Variants in SH3D19 observed in about 807,000 individuals in gnomAD.
SH3D19 encodes the protein SH3 domain containing 19, also known as SH3 domain-containing protein 19.
In SH3D19, 58 loss-of-function variants were observed where a neutral mutation model predicts 112.1. That is an observed-to-expected ratio of 0.52 (90% CI 0.42 to 0.64). The LOEUF (loss-of-function observed/expected upper bound fraction) is 0.64. Ranked by LOEUF, SH3D19 falls within the 30% of genes least tolerant of loss-of-function variation. SH3D19 has a pLI of 0.00. For missense variants in SH3D19, 1,090 were observed against 1,263.4 expected, an observed-to-expected ratio of 0.86 and a Z score of 2.08; for synonymous variants, 391 against 448.5, an observed-to-expected ratio of 0.87 and a Z score of 1.62.
chr4:151,285,258 A>G (rs904968631), intron 1 of SH3D19, among the ~76,000 whole-genome samples: 2 of 152,186 alleles, frequency 1.3e-5, no homozygotes, highest in African/African-American at 4.8e-5. Flanking sequence ...TCACTCCCAT[A>G]AGAAATTTTA....
intron 2 of SH3D19, among the ~76,000 whole-genome samples, chr4:151,205,633 A>G (rs1028469485): frequency 2.0e-5 from 3 of 152,234 alleles, no homozygotes; most frequent in African/African-American, 7.2e-5. Context: ...AAAACACTCC[A>G]AGATTCCAAT....
rs1730958100 is a variant in SH3D19, at chr4:151,325,477, A to C, written c.-125T>G. The C allele has an allele frequency of 2.6e-6, 1 of 377,408 alleles. No individual in the cohort carries two copies. Among genetic ancestry groups the C allele is most frequent in the Non-Finnish European group, 4.4e-6 (1 of 229,466 alleles). The allele number at this position is 377,408 out of a possible 1,614,324, so 23.4% of individuals were successfully genotyped here. Reference sequence around the variant, plus strand: ...GGGGGGAAGGCGGCTCCCGGAGAGGAGGCGTCGGCGGCGGCTGTGGAAATG... The same window carrying C: ...GGGGGGAAGGCGGCTCCCGGAGAGGCGGCGTCGGCGGCGGCTGTGGAAATG... On this transcript the variant is annotated 5_prime_UTR_variant, in exon 1 of 20. Transcript: ENST00000604030.
At chr4:151,303,696 A>G (rs545074751) in intron 1 of SH3D19, among the ~76,000 whole-genome samples, 14 of 152,296 alleles carry the variant, frequency 9.2e-5, no homozygotes, top group South Asian at 8.3e-4. Flanking sequence ...AGGAATATAG[A>G]GTTCCCCTGG....
At chr4:151,237,492 G>A (rs541179026) in intron 1 of SH3D19, among the ~76,000 whole-genome samples, 1 of 151,866 alleles carries the variant, frequency 6.6e-6, no homozygotes, top group East Asian at 1.9e-4. Flanking sequence ...TGACAATCTA[G>A]GTAGATGTTA....
intron 1 of SH3D19, among the ~76,000 whole-genome samples, chr4:151,275,000 C>G (rs1366003551): frequency 1.3e-5 from 2 of 152,140 alleles, no homozygotes; most frequent in Non-Finnish European, 2.9e-5. Context: ...ACCTAATGAC[C>G]TCTTTTTAAT....
chr4:151,194,931 C>A (rs1763187169), intron 2 of SH3D19, among the ~76,000 whole-genome samples: 1 of 151,080 alleles, frequency 6.6e-6, no homozygotes, highest in African/African-American at 2.4e-5. Flanking sequence ...AAAAATTAGC[C>A]AGGTGTGGTG....
rs557127855 is a variant in SH3D19 at position 151,245,861 on chromosome 4, A to G, written c.113-19775T>C. ...AAGTGACTGCCTGCCTTGGCCTCCCAAAGTGCTGGGATTTACAGGCATGAG... is the reference window on the plus strand; with the variant it reads ...AAGTGACTGCCTGCCTTGGCCTCCCGAAGTGCTGGGATTTACAGGCATGAG... On this transcript the variant is annotated intron_variant, in intron 1 of 19. Transcript: ENST00000604030. Among the ~76,000 whole-genome samples the G allele has an allele frequency of 3.0e-4, 45 of 152,294 alleles. 3 individuals are homozygous for G. The South Asian group carries it at 9.3e-3, about 32-fold the overall frequency.
At chr4:151,203,846 T>C (rs1400642705) in intron 2 of SH3D19, among the ~76,000 whole-genome samples, 1 of 152,212 alleles carries the variant, frequency 6.6e-6, no homozygotes, top group Non-Finnish European at 1.5e-5. Context: ...TTATATTATT[T>C]AGGGGAACAG....
At chr4:151,123,566 G>T (rs1433673745) in intron 19 of SH3D19, among the ~76,000 whole-genome samples, 1 of 152,118 alleles carries the variant, frequency 6.6e-6, no homozygotes. Context: ...AGGTTCAAGT[G>T]ATTCTCCTGC....
At chr4:151,320,734 A>AAAAC (rs146244590) in intron 1 of SH3D19, among the ~76,000 whole-genome samples, 1 of 152,012 alleles carries the variant, frequency 6.6e-6, no homozygotes, top group African/African-American at 2.4e-5. Context: ...TTATACAATG[A>AAAAC]AAACAAACAA....
In SH3D19 at chr4:151,175,676, T is replaced by C; in HGVS notation, c.530-2A>G. The C allele has an allele frequency of 8.0e-7, 1 of 1,249,594 alleles. No individual in the cohort carries two copies. Among genetic ancestry groups the C allele is most frequent in the Non-Finnish European group, 1.0e-6 (1 of 998,848 alleles). 77.4% of individuals were successfully genotyped at this position (1,249,594 alleles called of 1,614,324 possible). A position where few individuals can be genotyped will look rare whatever the true frequency, so the allele number is the denominator to read the frequency against. On this transcript the variant is annotated splice_acceptor_variant, in intron 6 of 19. Coordinates refer to ENST00000604030, the MANE Select transcript of SH3D19 (RefSeq NM_001378122.1). LOFTEE classifies it high-confidence loss of function. ...GAGGCTTGAGAGGTGCCTGTAGTGC[T>C]GACGAGACCAAAACAAAACCAAAAC...
intron 1 of SH3D19, among the ~76,000 whole-genome samples, chr4:151,267,171 A>AT (rs67009494): frequency 1.3e-4 from 5 of 39,744 alleles, no homozygotes; most frequent in East Asian, 4.5e-4. Flanking sequence ...AAAAAAAAAA[A>AT]ATAAATAAAA....
At chr4:151,155,923 A>T (rs1345597243) in intron 9 of SH3D19, among the ~76,000 whole-genome samples, 1 of 152,118 alleles carries the variant, frequency 6.6e-6, no homozygotes, top group Non-Finnish European at 1.5e-5. Context: ...AGAAAAACCT[A>T]AAGACTCTAC....
intron 1 of SH3D19, among the ~76,000 whole-genome samples, chr4:151,309,123 T>C (rs1729197481): frequency 1.3e-5 from 2 of 152,236 alleles, no homozygotes; most frequent in African/African-American, 4.8e-5. Context: ...CCCGCCTTGG[T>C]GTCCCAAAGT....
intron 1 of SH3D19, among the ~76,000 whole-genome samples, chr4:151,319,103 T>C (rs536680183): frequency 4.6e-5 from 7 of 152,318 alleles, no homozygotes; most frequent in Non-Finnish European, 8.8e-5. Flanking sequence ...CAGGCTGGAG[T>C]GCAGTGGTGT....
At chr4:151,248,753 A>C (rs1771134319) in intron 1 of SH3D19, among the ~76,000 whole-genome samples, 1 of 152,114 alleles carries the variant, frequency 6.6e-6, no homozygotes, top group Admixed American at 6.6e-5. Flanking sequence ...TAGGTGTCCA[A>C]TATATTCTTC....
chr4:151,219,888 T>G (rs576937940), intron 2 of SH3D19, among the ~76,000 whole-genome samples: 4 of 152,288 alleles, frequency 2.6e-5, no homozygotes, highest in Admixed American at 2.0e-4. Flanking sequence ...CATAAAGATA[T>G]TCTTATATAT....
chr4:151,260,691 C>T (rs995713970), intron 1 of SH3D19, among the ~76,000 whole-genome samples: 13 of 152,196 alleles, frequency 8.5e-5, no homozygotes, highest in African/African-American at 3.1e-4. Flanking sequence ...CCAAATGACA[C>T]ATTGTGGCCT....
At position 151,325,457 on chromosome 4, in the gene SH3D19, G is replaced by C; in HGVS notation, c.-105C>G. 2.1e-6 allele frequency: 1 copy of C among 475,576 alleles called. No individual in the cohort carries two copies. The highest frequency in any genetic ancestry group is 3.2e-6 in the Non-Finnish European group (1 of 317,220). 29.5% of individuals were successfully genotyped at this position (475,576 alleles called of 1,614,324 possible). A position where few individuals can be genotyped will look rare whatever the true frequency, so the allele number is the denominator to read the frequency against. ...CACGCCACCGCCCTCGGGCCGGGGG[G>C]AAGGCGGCTCCCGGAGAGGAGGCGT... On this transcript the variant is annotated 5_prime_UTR_variant, in exon 1 of 20. Transcript: ENST00000604030.
Sources: allele counts gnomAD v4.1 joint callset (sites outside exome capture counted in the v4.1 genomes callset), GRCh38; gene constraint gnomAD v4.1.1; transcripts MANE v1.5; gene names NCBI Gene and HGNC (gene_info 2026-07-23, HGNC 2026-07-21).